BICRAL: variants seen among roughly 807,000 people sequenced by gnomAD.
BICRAL encodes the protein BRD4-interacting chromatin-remodeling complex-associated protein-like.
In BICRAL, 8 loss-of-function variants were observed where a neutral mutation model predicts 91.8. That is an observed-to-expected ratio of 0.09 (90% CI 0.05 to 0.16). The LOEUF (loss-of-function observed/expected upper bound fraction) is 0.16, where lower values mean the gene tolerates loss of function less well. BICRAL is among the 10% of genes least tolerant of loss of function. The probability of loss-of-function intolerance (pLI) is 1.00; values close to 1 mark genes in which losing one functional copy is unlikely to be tolerated. For missense variants in BICRAL, 1,038 were observed against 1,310.9 expected (o/e 0.79, Z 3.21); for synonymous variants, 445 against 491.1 (o/e 0.91, Z 1.24).
intron 6 of BICRAL, among the ~76,000 whole-genome samples, chr6:42,844,010 G>A (rs1198829500): frequency 1.4e-5 from 2 of 146,908 alleles, no homozygotes; most frequent in Non-Finnish European, 3.0e-5. Context: ...CATCGTGTTG[G>A]TCAGGCTGGT....
At chr6:42,780,389 CTA>C (rs1477851392), upstream of BICRAL, among the ~76,000 whole-genome samples, 6 of 152,008 alleles carry the variant, frequency 3.9e-5, no homozygotes, top group African/African-American at 1.5e-4. Flanking sequence ...TAATTTTAAT[CTA>C]GAGAGAGTTT....
At chr6:42,863,631 A>G (rs1414088063) in intron 12 of BICRAL, among the ~76,000 whole-genome samples, 1 of 152,226 alleles carries the variant, frequency 6.6e-6, no homozygotes, top group Non-Finnish European at 1.5e-5. Context: ...GCAAAGCCCC[A>G]TTCCAGGCCC....
chr6:42,846,622 C>T (rs1765019375), intron 6 of BICRAL, among the ~76,000 whole-genome samples: 1 of 152,108 alleles, frequency 6.6e-6, no homozygotes, highest in South Asian at 2.1e-4. Context: ...GAGGGGTAGT[C>T]TTCTGGGCGG....
intron 2 of BICRAL, among the ~76,000 whole-genome samples, chr6:42,811,489 C>G (rs919898234): frequency 6.6e-6 from 1 of 152,090 alleles, no homozygotes; most frequent in Admixed American, 6.6e-5. Flanking sequence ...GGCGTGGTGG[C>G]GCACGCCTGT....
intron 1 of BICRAL, among the ~76,000 whole-genome samples, chr6:42,804,760 CA>C (rs1582831665): frequency 1.3e-5 from 2 of 152,096 alleles, no homozygotes; most frequent in African/African-American, 4.8e-5. Flanking sequence ...TCTCTGATGC[CA>C]AAAAACCATA....
intron 3 of BICRAL, 137 bp downstream of exon 3, chr6:42,822,200 C>T: frequency 1.8e-6 from 1 of 561,872 alleles, no homozygotes; most frequent in South Asian, 2.6e-5. Flanking sequence ...AGTAGAGAAA[C>T]AGAGACATGA....
chr6:42,778,942 T>A (rs936463580), upstream of BICRAL, among the ~76,000 whole-genome samples: 4 of 151,680 alleles, frequency 2.6e-5, no homozygotes, highest in Non-Finnish European at 5.9e-5. Context: ...CTCAGCCTCC[T>A]GAGTAGTTGG....
intron 2 of BICRAL, among the ~76,000 whole-genome samples, chr6:42,811,439 G>C (rs1390503819): frequency 1.3e-5 from 2 of 152,136 alleles, no homozygotes; most frequent in Admixed American, 1.3e-4. Flanking sequence ...TAGCCAACAT[G>C]GTGAAACCCC....
chr6:42,835,605 A>G (rs1764615247), intron 6 of BICRAL, among the ~76,000 whole-genome samples: 1 of 151,894 alleles, frequency 6.6e-6, no homozygotes, highest in African/African-American at 2.4e-5. Flanking sequence ...TTCTGTGTTT[A>G]GCCTAAGTGT....
intron 1 of BICRAL, among the ~76,000 whole-genome samples, chr6:42,791,269 A>C (rs1439536589): frequency 6.6e-6 from 1 of 152,144 alleles, no homozygotes; most frequent in Non-Finnish European, 1.5e-5. Flanking sequence ...TAATCTATAA[A>C]GTTACGATTT....
At chr6:42,801,612 G>T (rs1277633210) in intron 1 of BICRAL, among the ~76,000 whole-genome samples, 1 of 152,056 alleles carries the variant, frequency 6.6e-6, no homozygotes, top group African/African-American at 2.4e-5. Flanking sequence ...GTCAGATGTG[G>T]TGGCTCATAC....
At chr6:42,864,559 G>A in intron 12 of BICRAL, 100 bp from the exon 13 acceptor site, 1 of 876,690 alleles carries the variant, frequency 1.1e-6, no homozygotes, top group Non-Finnish European at 1.8e-6. Context: ...TTCTGTGAGT[G>A]GGGCTGGCTT....
At chr6:42,768,712 A>G (rs1229657652) in intron 1 of BICRAL, among the ~76,000 whole-genome samples, 2 of 151,988 alleles carry the variant, frequency 1.3e-5, no homozygotes, top group Non-Finnish European at 2.9e-5. Flanking sequence ...CTCTACCCCA[A>G]TCACTGGTCC....
chr6:42,853,837 C>T, intron 8 of BICRAL, 99 bp downstream of exon 8: 1 of 805,118 alleles, frequency 1.2e-6, no homozygotes, highest in South Asian at 1.5e-5. Context: ...TTTGTGTGCA[C>T]AGTCCACCCA....
At chr6:42,770,791 A>G (rs1762707927) in intron 1 of BICRAL, among the ~76,000 whole-genome samples, 1 of 151,520 alleles carries the variant, frequency 6.6e-6, no homozygotes. Context: ...CCCGAGTTCA[A>G]GTGATTCTCC....
intron 10 of BICRAL, among the ~76,000 whole-genome samples, chr6:42,858,739 C>G (rs1371191022): frequency 3.3e-5 from 5 of 152,020 alleles, no homozygotes; most frequent in African/African-American, 1.2e-4. Context: ...ATCACTTGAA[C>G]CCGGGAGGCA....
chr6:42,756,116 A>G (rs1762454664), intron 1 of BICRAL, among the ~76,000 whole-genome samples: 1 of 152,204 alleles, frequency 6.6e-6, no homozygotes, highest in Non-Finnish European at 1.5e-5. Flanking sequence ...CCCTAACAAT[A>G]GACTTTTAAA....
intron 6 of BICRAL, among the ~76,000 whole-genome samples, chr6:42,837,473 C>T (rs540223281): frequency 1.3e-5 from 2 of 151,276 alleles, no homozygotes; most frequent in Non-Finnish European, 2.9e-5. Context: ...CAAATGGGGC[C>T]GGGCATGTTG....
intron 1 of BICRAL, among the ~76,000 whole-genome samples, chr6:42,770,238 TTG>T (rs1469976655): frequency 1.3e-5 from 2 of 152,050 alleles, no homozygotes; most frequent in Non-Finnish European, 2.9e-5. Context: ...TTGTTTTCTT[TTG>T]TTTTTTAAGA....
Sources: gnomAD v4.1 joint callset for allele counts (sites outside exome capture counted in the v4.1 genomes callset) on GRCh38, gnomAD v4.1.1 for gene constraint, MANE v1.5 for transcripts, NCBI Gene and HGNC (gene_info 2026-07-23, HGNC 2026-07-21) for gene names.